Variants in SLF1 observed in about 807,000 individuals in gnomAD.
The protein encoded by SLF1 is SMC5/6 complex localization factor 1, also known as SMC5-SMC6 complex localization factor protein 1.
Under a neutral mutation model 123.0 loss-of-function variants are expected in SLF1, and 105 were observed. The observed-to-expected ratio is 0.85, with a 90% CI of 0.73 to 1.00. The LOEUF is 1.00. Among genes scored for constraint, SLF1 ranks in the 50% least tolerant of loss-of-function variants. The pLI, the probability that SLF1 is intolerant of heterozygous loss-of-function variation, is 0.00. For synonymous variants in SLF1, 434 were observed against 406.6 expected, an observed-to-expected ratio of 1.07 and a Z score of -0.81; for missense variants, 1,239 against 1,223.0, an observed-to-expected ratio of 1.01 and a Z score of -0.20.
At chr5:94,660,357 T>A (rs183166329) in intron 9 of SLF1, among the ~76,000 whole-genome samples, 278 of 152,306 alleles carry the variant, frequency 1.8e-3, no homozygotes, top group Admixed American at 5.6e-3. Flanking sequence ...CAAGTGCCTG[T>A]TGCAGTAGGC....
intron 12 of SLF1, among the ~76,000 whole-genome samples, chr5:94,668,145 T>C (rs1750028147): frequency 6.6e-6 from 1 of 152,084 alleles, no homozygotes; most frequent in Admixed American, 6.6e-5. Context: ...TTTTCCCTTT[T>C]CTTTTCTCTT....
chr5:94,669,203 A>G (rs72773547), intron 12 of SLF1, among the ~76,000 whole-genome samples: 4 of 151,996 alleles, frequency 2.6e-5, no homozygotes, highest in African/African-American at 9.7e-5. Flanking sequence ...GAGAAACGTA[A>G]GTTCTCTATC....
chr5:94,649,143 T>C (rs888892524), intron 5 of SLF1, among the ~76,000 whole-genome samples: 1 of 152,226 alleles, frequency 6.6e-6, no homozygotes, highest in African/African-American at 2.4e-5. Flanking sequence ...ATTGTAACTT[T>C]AGCTTGGACA....
chr5:94,620,612 A>G (rs1373226140), intron 1 of SLF1, among the ~76,000 whole-genome samples: 1 of 152,198 alleles, frequency 6.6e-6, no homozygotes, highest in Non-Finnish European at 1.5e-5. Context: ...TTTTTTAGAA[A>G]GTAAAATAAA....
At chr5:94,686,445 CAT>C (rs1752440510) in intron 15 of SLF1, 126 bp from the exon 16 acceptor site, 6 of 988,886 alleles carry the variant, frequency 6.1e-6, no homozygotes, top group Non-Finnish European at 8.8e-6. Flanking sequence ...GGATTAAAAT[CAT>C]GTGGATGAAT....
At chr5:94,661,475 AG>A (rs924634228) in intron 9 of SLF1, among the ~76,000 whole-genome samples, 3 of 151,524 alleles carry the variant, frequency 2.0e-5, no homozygotes, top group African/African-American at 7.3e-5. Flanking sequence ...GGAAGAGCTG[AG>A]TGCCAAGCAC....
intron 4 of SLF1, among the ~76,000 whole-genome samples, chr5:94,631,336 A>G (rs550922256): frequency 6.6e-6 from 1 of 152,282 alleles, no homozygotes; most frequent in South Asian, 2.1e-4. Flanking sequence ...TGATGCACCC[A>G]TGTTACCCTC....
intron 7 of SLF1, among the ~76,000 whole-genome samples, chr5:94,652,627 A>G (rs755153797): frequency 1.3e-5 from 2 of 152,190 alleles, no homozygotes; most frequent in Admixed American, 6.5e-5. Flanking sequence ...TTTTGCAATT[A>G]TGAACAATTC....
chr5:94,685,606 C>T (rs1752325705), intron 15 of SLF1, among the ~76,000 whole-genome samples: 1 of 151,960 alleles, frequency 6.6e-6, no homozygotes, highest in African/African-American at 2.4e-5. Flanking sequence ...TATGCATTTT[C>T]TTCTTATTGA....
rs532545128 is a variant in SLF1 at position 94,643,451 on chromosome 5, A to G, written c.594+16A>G. 1 of 1,378,276 alleles carries G rather than the reference A, an allele frequency of 7.3e-7. No individual in the cohort carries two copies. Among genetic ancestry groups the G allele is most frequent in the South Asian group, 1.6e-5 (1 of 64,120 alleles). The allele number at this position is 1,378,276 out of a possible 1,614,324, so 85.4% of individuals were successfully genotyped here. A position where few individuals can be genotyped will look rare whatever the true frequency, so the allele number is the denominator to read the frequency against. ...TCTTTTAGAGGTAAGTAAAATAAAT[A>G]GTAAACATTTTATTTTGTTTCATGT... On this transcript the variant is annotated intron_variant, in intron 5 of 20. Coordinates refer to ENST00000265140, the MANE Select transcript of SLF1 (RefSeq NM_032290.4).
chr5:94,620,463 A>C (rs1235245570), intron 1 of SLF1, among the ~76,000 whole-genome samples: 1 of 152,234 alleles, frequency 6.6e-6, no homozygotes, highest in South Asian at 2.1e-4. Flanking sequence ...CGTAATAAGC[A>C]TCCACATTTT....
rs549496088 is a variant in SLF1, at chr5:94,689,055, G to T, written c.2285+386G>T. Among the ~76,000 whole-genome samples, 3 of 152,130 alleles carry T rather than the reference G, an allele frequency of 2.0e-5. No homozygotes were observed. The East Asian group carries it at 5.8e-4, about 29-fold the overall frequency. ...TGAGAAACCTCTAAAAGTATAAGGT[G>T]TATAAAAGTGTATGTTGTATAAAAC... is the stretch of plus-strand genomic sequence containing the variant. On this transcript the variant is annotated intron_variant, in intron 17 of 20. Coordinates refer to ENST00000265140, the MANE Select transcript of SLF1 (RefSeq NM_032290.4).
Position 94,673,691 on chromosome 5 carries a change from T to TAAAAAA in SLF1, c.1827+2702_1827+2707dup, listed in dbSNP as rs35649653. ...GGTGACAGAGTGAGACCTTGTCTCT[T>TAAAAAA]AAAAAAAAAAAAAAAAAAAAAAAAT... is the stretch of plus-strand genomic sequence containing the variant. On this transcript the variant is annotated intron_variant, in intron 14 of 20. Transcript: ENST00000265140. 2.5e-3 allele frequency among the ~76,000 whole-genome samples: 303 copies of TAAAAAA among 119,706 alleles called. 1 individual carries two copies. Among genetic ancestry groups the TAAAAAA allele is most frequent in the Non-Finnish European group, 3.3e-3 (194 of 58,652 alleles). The allele number at this position is 119,706 out of a possible 152,430, so 78.5% of individuals were successfully genotyped here.
At position 94,620,852 on chromosome 5, in the gene SLF1, A is replaced by G. The variant is rs566168389; in HGVS notation, c.-1+2087A>G. ...TAAGTTCACTTAATTCATACTTTCTATCAAAATTACTTTGAAATTTAAAAT... is the reference window on the plus strand; with the variant it reads ...TAAGTTCACTTAATTCATACTTTCTGTCAAAATTACTTTGAAATTTAAAAT... On this transcript the variant is annotated intron_variant, in intron 1 of 20. Transcript: ENST00000265140. 2.6e-5 allele frequency among the ~76,000 whole-genome samples: 4 copies of G among 152,312 alleles called. No individual in the cohort carries two copies. In the East Asian group the frequency reaches 7.7e-4, roughly 29 times the overall value.
At chr5:94,679,529 C>A (rs1438362656) in intron 15 of SLF1, among the ~76,000 whole-genome samples, 1 of 151,936 alleles carries the variant, frequency 6.6e-6, no homozygotes, top group African/African-American at 2.4e-5. Context: ...GAGTCCAGGG[C>A]TGCAGGGAGC....
chr5:94,627,585 C>CATATATATGTATAT (rs1317607883), intron 1 of SLF1, among the ~76,000 whole-genome samples: 1 of 86,824 alleles, frequency 1.2e-5, no homozygotes, highest in Non-Finnish European at 2.4e-5. Flanking sequence ...ATGAAATTAA[C>CATATATATGTATAT]ATATATATAT....
At chr5:94,687,002 G>A (rs1158735214) in intron 16 of SLF1, among the ~76,000 whole-genome samples, 2 of 152,084 alleles carry the variant, frequency 1.3e-5, no homozygotes, top group Non-Finnish European at 2.9e-5. Flanking sequence ...CTGACCTCGT[G>A]ATCTGCCTGC....
Position 94,628,847 on chromosome 5 carries a change from A to G in SLF1, c.37A>G (p.Thr13Ala). The G allele has an allele frequency of 6.5e-7, 1 of 1,549,896 alleles. No individual in the cohort carries two copies. Among genetic ancestry groups the G allele is most frequent in the South Asian group, 1.2e-5 (1 of 83,356 alleles). ...TACCCCAAAGCATATCATCCAGATGACAGGATTTAAGATGGAAGAAAAAGA... is the reference window on the plus strand; with the variant it reads ...TACCCCAAAGCATATCATCCAGATGGCAGGATTTAAGATGGAAGAAAAAGA... Reference protein sequence around the residue: ...DGTPKHIIQMTGFKMEEKEAL... With the variant: ...DGTPKHIIQMAGFKMEEKEAL... The change falls in exon 2 of 21, where the codon ACA (threonine) becomes GCA (alanine). Residue 13 changes from threonine to alanine, a missense_variant. Physicochemically the swap from Thr to Ala is moderately conservative, Grantham distance 58. Coordinates refer to ENST00000265140, the MANE Select transcript of SLF1 (RefSeq NM_032290.4).
chr5:94,654,249 A>G (rs1040941308), intron 8 of SLF1, among the ~76,000 whole-genome samples: 2 of 152,172 alleles, frequency 1.3e-5, no homozygotes, highest in South Asian at 4.1e-4. Context: ...CAGGAAAATG[A>G]TAAAGGTAAA....
Sources: allele counts gnomAD v4.1 joint callset (sites outside exome capture counted in the v4.1 genomes callset), GRCh38; gene constraint gnomAD v4.1.1; transcripts MANE v1.5; gene names NCBI Gene and HGNC (gene_info 2026-07-23, HGNC 2026-07-21).